Variants in PCNX1 observed in about 807,000 individuals in gnomAD.
PCNX1 encodes the protein pecanex 1.
Under a neutral mutation model 242.2 loss-of-function variants are expected in PCNX1, and 78 were observed. That is an observed-to-expected ratio of 0.32 (90% CI 0.27 to 0.39). The LOEUF is 0.39. Ranked by LOEUF, PCNX1 falls within the 10% of genes least tolerant of loss-of-function variation. The probability of loss-of-function intolerance (pLI) is 1.00; values close to 1 mark genes in which losing one functional copy is unlikely to be tolerated. For missense variants in PCNX1, 2,581 were observed against 2,856.5 expected, an observed-to-expected ratio of 0.90 and a Z score of 2.20; for synonymous variants, 1,024 against 1,032.9, an observed-to-expected ratio of 0.99 and a Z score of 0.17.
intron 26 of PCNX1, among the ~76,000 whole-genome samples, chr14:71,060,377 C>T (rs990674637): frequency 6.6e-6 from 1 of 151,904 alleles, no homozygotes; most frequent in African/African-American, 2.4e-5. Flanking sequence ...ACTCCTTGTA[C>T]TTAGAAAAAA....
chr14:71,045,333 T>C, intron 20 of PCNX1, 50 bp downstream of exon 20: 1 of 1,299,232 alleles, frequency 7.7e-7, no homozygotes, highest in South Asian at 1.3e-5. Context: ...AGTTTTTCCC[T>C]TTGCTATATT....
chr14:71,091,472 A>G (rs10150628), intron 30 of PCNX1, among the ~76,000 whole-genome samples: 2 of 152,250 alleles, frequency 1.3e-5, no homozygotes, highest in African/African-American at 4.8e-5. Flanking sequence ...GCATAGCTAC[A>G]TTTATACACA....
rs2060347739 is a variant in PCNX1 at position 71,030,329 on chromosome 14, C to G, written c.3558+1538C>G. ...CCCTTTATGAAAGTTGGAGGCTTGA[C>G]TTCCTTTCTTTCTTTTTTTTTAGAA... On this transcript the variant is annotated intron_variant, in intron 16 of 35. Coordinates refer to ENST00000304743, the MANE Select transcript of PCNX1 (RefSeq NM_014982.3). 2.6e-5 allele frequency among the ~76,000 whole-genome samples: 4 copies of G among 152,032 alleles called. No homozygotes were observed. The South Asian group carries it at 6.2e-4, about 24-fold the overall frequency.
At chr14:71,019,776 A>T (rs944422419) in intron 12 of PCNX1, among the ~76,000 whole-genome samples, 1 of 151,550 alleles carries the variant, frequency 6.6e-6, no homozygotes, top group Non-Finnish European at 1.5e-5. Flanking sequence ...TTTTATTATT[A>T]TACTTTAAGT....
At chr14:71,095,805 A>G (rs2062260997) in intron 30 of PCNX1, among the ~76,000 whole-genome samples, 1 of 152,234 alleles carries the variant, frequency 6.6e-6, no homozygotes, top group Admixed American at 6.5e-5. Flanking sequence ...CAGTGAAAAG[A>G]GATATTTAAA....
At chr14:70,921,960 A>G (rs980857681) in intron 1 of PCNX1, among the ~76,000 whole-genome samples, 13 of 152,188 alleles carry the variant, frequency 8.5e-5, no homozygotes, top group Non-Finnish European at 1.6e-4. Context: ...ATGTCGGGAT[A>G]GGTGATTCTG....
intron 9 of PCNX1, among the ~76,000 whole-genome samples, chr14:71,010,706 C>T (rs1442610524): frequency 1.3e-5 from 2 of 152,064 alleles, no homozygotes; most frequent in Non-Finnish European, 2.9e-5. Flanking sequence ...TCTTTCCCCT[C>T]AAGAGTTACT....
At chr14:70,917,036 C>G (rs2140054416) in intron 1 of PCNX1, among the ~76,000 whole-genome samples, 1 of 152,172 alleles carries the variant, frequency 6.6e-6, no homozygotes, top group Admixed American at 6.5e-5. Flanking sequence ...TCTGCTCACC[C>G]ATAAGAAGCA....
intron 28 of PCNX1, among the ~76,000 whole-genome samples, chr14:71,076,719 C>G (rs895362394): frequency 1.1e-4 from 16 of 152,206 alleles, no homozygotes; most frequent in African/African-American, 3.9e-4. Flanking sequence ...GCATTACCCT[C>G]CAAAATCTAG....
chr14:70,990,242 TAAAACTCTTTTAAATTAAAAAA>T (rs1450994311), intron 7 of PCNX1, among the ~76,000 whole-genome samples: 1 of 151,976 alleles, frequency 6.6e-6, no homozygotes, highest in African/African-American at 2.4e-5. Flanking sequence ...ATTGCTCAAT[TAAAACTCTTTTAAATTAAAAAA>T]AAATAATAAT....
chr14:71,100,665 T>C (rs2062438713), intron 30 of PCNX1, among the ~76,000 whole-genome samples: 1 of 152,098 alleles, frequency 6.6e-6, no homozygotes, highest in African/African-American at 2.4e-5. Context: ...TGCTCTTGAG[T>C]TATTCCCTCA....
Position 71,026,772 on chromosome 14 carries a change from T to A in PCNX1, c.3356T>A (p.Val1119Glu). The A allele has an allele frequency of 7.6e-7, 1 of 1,317,046 alleles. No homozygotes were observed. The highest frequency in any genetic ancestry group is 1.1e-6 in the Non-Finnish European group (1 of 916,152). 81.6% of individuals were successfully genotyped at this position (1,317,046 alleles called of 1,614,324 possible). The change falls in exon 15 of 36, where the codon GTG becomes GAG. Residue 1119 changes from valine (V) to glutamate (E), a missense_variant and splice_region_variant. By Grantham distance (121) the Val-to-Glu change is moderately radical. Transcript: ENST00000304743. ...AATATACTTTTCTTTCTTTTTATAG[T>A]GTTTACACTCTGTTTCCCAATAGTG... Reference protein sequence around the residue: ...VFISARDLVIVFTLCFPIVFF... With the variant: ...VFISARDLVIEFTLCFPIVFF...
chr14:71,039,925 A>G (rs566605725), intron 19 of PCNX1, among the ~76,000 whole-genome samples: 23 of 152,254 alleles, frequency 1.5e-4, no homozygotes, highest in African/African-American at 5.5e-4. Flanking sequence ...TTTTGTGGGT[A>G]TCCATGTTTC....
intron 7 of PCNX1, among the ~76,000 whole-genome samples, chr14:70,989,038 A>G (rs1342275382): frequency 4.6e-5 from 7 of 151,830 alleles, no homozygotes; most frequent in African/African-American, 1.7e-4. Context: ...ATTTTCCCCA[A>G]TATTTTGACA....
chr14:71,075,215 C>G (rs1459140641), intron 27 of PCNX1, among the ~76,000 whole-genome samples: 1 of 151,950 alleles, frequency 6.6e-6, no homozygotes, highest in Non-Finnish European at 1.5e-5. Flanking sequence ...GGCTCTCAAA[C>G]TCTGGGCTCA....
At chr14:71,045,878 G>A (rs1223293556) in intron 20 of PCNX1, among the ~76,000 whole-genome samples, 1 of 152,138 alleles carries the variant, frequency 6.6e-6, no homozygotes, top group Non-Finnish European at 1.5e-5. Flanking sequence ...CCTTACCACT[G>A]TAAACCCTGA....
intron 1 of PCNX1, among the ~76,000 whole-genome samples, chr14:70,937,307 TG>T (rs1385766246): frequency 6.6e-6 from 1 of 152,218 alleles, no homozygotes; most frequent in East Asian, 1.9e-4. Flanking sequence ...AATTAATTTT[TG>T]TATAAGGTAT....
intron 27 of PCNX1, among the ~76,000 whole-genome samples, chr14:71,074,571 A>T (rs2061664478): frequency 6.6e-6 from 1 of 152,214 alleles, no homozygotes; most frequent in African/African-American, 2.4e-5. Context: ...CCAGCAGTGA[A>T]GCATGGCTGT....
At chr14:70,979,815 A>G (rs2058785092) in intron 6 of PCNX1, among the ~76,000 whole-genome samples, 1 of 152,134 alleles carries the variant, frequency 6.6e-6, no homozygotes, top group Non-Finnish European at 1.5e-5. Flanking sequence ...TCTAATGGGA[A>G]CGTAAAGAAA....
Sources: allele counts gnomAD v4.1 joint callset (sites outside exome capture counted in the v4.1 genomes callset), GRCh38; gene constraint gnomAD v4.1.1; transcripts MANE v1.5; gene names NCBI Gene and HGNC (gene_info 2026-07-23, HGNC 2026-07-21).